Variants in PHKB observed in about 807,000 individuals in gnomAD.
The protein encoded by PHKB is phosphorylase b kinase regulatory subunit beta.
Under a neutral mutation model 152.1 loss-of-function variants are expected in PHKB, and 122 were observed. The ratio of observed to expected loss-of-function variants is 0.80; its 90% CI spans 0.69 to 0.93. The LOEUF (loss-of-function observed/expected upper bound fraction) is 0.93, where lower values mean the gene tolerates loss of function less well. PHKB is among the 40% of genes least tolerant of loss of function. PHKB has a pLI of 0.00. For missense variants in PHKB, 1,304 were observed against 1,328.4 expected (o/e 0.98, Z 0.29); for synonymous variants, 436 against 464.9 (o/e 0.94, Z 0.80).
chr16:47,664,228 GAA>G (rs930098618), intron 24 of PHKB: 2 of 144,380 alleles, frequency 1.4e-5, no homozygotes, highest in Non-Finnish European at 3.0e-5. Flanking sequence ...CCCAGAGATT[GAA>G]AAAAAAAAAG....
chr16:47,591,611 T>A (rs895749233), intron 10 of PHKB, among the ~76,000 whole-genome samples: 1 of 152,128 alleles, frequency 6.6e-6, no homozygotes, highest in African/African-American at 2.4e-5. Flanking sequence ...CTAGGGCCCA[T>A]CCACAGCCCT....
chr16:47,549,649 C>G (rs548062986), intron 7 of PHKB, among the ~76,000 whole-genome samples: 1 of 151,838 alleles, frequency 6.6e-6, no homozygotes, highest in Non-Finnish European at 1.5e-5. Flanking sequence ...GAGCCGAGAT[C>G]GTGCCACTGC....
intron 6 of PHKB, among the ~76,000 whole-genome samples, chr16:47,542,226 A>G (rs1971072922): frequency 6.6e-6 from 1 of 152,180 alleles, no homozygotes; most frequent in South Asian, 2.1e-4. Flanking sequence ...GCGTATGGCT[A>G]GCCAGTTTTC....
chr16:47,617,325 CAA>C (rs1972537084), intron 14 of PHKB, among the ~76,000 whole-genome samples: 1 of 150,352 alleles, frequency 6.7e-6, no homozygotes, highest in African/African-American at 2.4e-5. Flanking sequence ...CATAAGTGTA[CAA>C]GTCAGTGGCA....
chr16:47,633,041 G>A (rs1043602618), intron 14 of PHKB, among the ~76,000 whole-genome samples: 14 of 152,298 alleles, frequency 9.2e-5, no homozygotes, highest in African/African-American at 3.4e-4. Flanking sequence ...TTTAGGTTAT[G>A]TGGGGTTTTC....
intron 26 of PHKB, among the ~76,000 whole-genome samples, chr16:47,680,581 G>C (rs1567353813): frequency 6.6e-6 from 1 of 152,102 alleles, no homozygotes; most frequent in Non-Finnish European, 1.5e-5. Context: ...ATTCTCTGAT[G>C]GTAGTTTGTA....
At chr16:47,555,779 A>G (rs1335635272) in intron 7 of PHKB, among the ~76,000 whole-genome samples, 1 of 152,198 alleles carries the variant, frequency 6.6e-6, no homozygotes, top group Non-Finnish European at 1.5e-5. Flanking sequence ...GTTCCATATG[A>G]ACTTTAAAGT....
At chr16:47,472,731 G>A (rs1435262347) in intron 1 of PHKB, among the ~76,000 whole-genome samples, 2 of 152,006 alleles carry the variant, frequency 1.3e-5, no homozygotes, top group African/African-American at 4.8e-5. Flanking sequence ...GCAGTGAGCC[G>A]AGATCGTGCC....
At chr16:47,525,630 G>C (rs1018667698) in intron 6 of PHKB, among the ~76,000 whole-genome samples, 1 of 152,152 alleles carries the variant, frequency 6.6e-6, no homozygotes, top group African/African-American at 2.4e-5. Context: ...CTGCCCCACC[G>C]TGTGTTTTAT....
At chr16:47,532,408 G>A (rs1011292139) in intron 6 of PHKB, among the ~76,000 whole-genome samples, 5 of 152,222 alleles carry the variant, frequency 3.3e-5, no homozygotes, top group African/African-American at 9.6e-5. Flanking sequence ...GTGGCCAGTG[G>A]CACCTTTGCC....
chr16:47,653,900 A>G (rs1216384767), intron 20 of PHKB, among the ~76,000 whole-genome samples: 2 of 152,194 alleles, frequency 1.3e-5, no homozygotes, highest in Non-Finnish European at 2.9e-5. Flanking sequence ...CATATGGTTA[A>G]GGACAAAAAT....
intron 1 of PHKB, among the ~76,000 whole-genome samples, chr16:47,485,864 T>C (rs888021241): frequency 2.6e-5 from 4 of 151,902 alleles, no homozygotes; most frequent in African/African-American, 7.3e-5. Flanking sequence ...CAAATGATCC[T>C]CCTGCCTTGG....
chr16:47,571,543 G>A (rs1441208756), intron 7 of PHKB, among the ~76,000 whole-genome samples: 3 of 152,114 alleles, frequency 2.0e-5, no homozygotes, highest in Admixed American at 6.5e-5. Flanking sequence ...CAGGAACACT[G>A]ACATTCCATA....
At chr16:47,546,657 G>A (rs2541566) in intron 6 of PHKB, among the ~76,000 whole-genome samples, 3 of 152,294 alleles carry the variant, frequency 2.0e-5, no homozygotes, top group East Asian at 3.9e-4. Context: ...GGACTGGGAC[G>A]TTTAACTCTG....
intron 7 of PHKB, among the ~76,000 whole-genome samples, chr16:47,558,382 T>C: frequency 6.6e-6 from 1 of 152,174 alleles, no homozygotes; most frequent in Non-Finnish European, 1.5e-5. Context: ...TAAAGTATAA[T>C]AATAATAAAA....
intron 14 of PHKB, among the ~76,000 whole-genome samples, chr16:47,628,296 G>A (rs1438734953): frequency 6.6e-6 from 1 of 152,178 alleles, no homozygotes; most frequent in Non-Finnish European, 1.5e-5. Context: ...ACTTTGGGAG[G>A]CCGAGGCGGG....
chr16:47,564,771 G>A (rs921902382), intron 7 of PHKB, among the ~76,000 whole-genome samples: 15 of 152,208 alleles, frequency 9.9e-5, no homozygotes, highest in Non-Finnish European at 2.2e-4. Flanking sequence ...GTTAATTTTT[G>A]TATATAGTGA....
chr16:47,531,753 A>G (rs1281566813), intron 6 of PHKB, among the ~76,000 whole-genome samples: 1 of 152,236 alleles, frequency 6.6e-6, no homozygotes, highest in Non-Finnish European at 1.5e-5. Context: ...AATGAGAGGC[A>G]AAATAGTTTT....
At chr16:47,505,849 A>G (rs1026885978) in intron 4 of PHKB, among the ~76,000 whole-genome samples, 3 of 151,968 alleles carry the variant, frequency 2.0e-5, no homozygotes, top group East Asian at 1.9e-4. Context: ...CCTGGCCAAC[A>G]TGGTGAAACT....
Sources: allele counts gnomAD v4.1 joint callset (sites outside exome capture counted in the v4.1 genomes callset), GRCh38; gene constraint gnomAD v4.1.1; transcripts MANE v1.5; gene names NCBI Gene and HGNC (gene_info 2026-07-23, HGNC 2026-07-21).